ADAMTSL1: variants seen among roughly 807,000 people sequenced by gnomAD.
ADAMTSL1 encodes the protein ADAMTS like 1, also known as ADAMTS-like protein 1.
ADAMTSL1 carries 126 observed loss-of-function variants against 201.8 expected under a neutral mutation model. The observed-to-expected ratio is 0.62, with a 90% CI of 0.54 to 0.72. The LOEUF (loss-of-function observed/expected upper bound fraction) is 0.72. Ranked by LOEUF, ADAMTSL1 falls within the 30% of genes least tolerant of loss-of-function variation. The pLI, the probability that ADAMTSL1 is intolerant of heterozygous loss-of-function variation, is 0.00. For synonymous variants in ADAMTSL1, 1,121 were observed against 903.4 expected (o/e 1.24, Z -4.32); for missense variants, 2,679 against 2,277.8 (o/e 1.18, Z -3.59).
At chr9:18,557,787 T>C (rs1304054364) in intron 3 of ADAMTSL1, among the ~76,000 whole-genome samples, 1 of 152,074 alleles carries the variant, frequency 6.6e-6, no homozygotes, top group Non-Finnish European at 1.5e-5. Context: ...ACATGTTCCA[T>C]GAAGCAACTG....
intron 2 of ADAMTSL1, among the ~76,000 whole-genome samples, chr9:18,446,300 A>G (rs1361332636): frequency 6.6e-6 from 1 of 152,150 alleles, no homozygotes; most frequent in East Asian, 1.9e-4. Context: ...TGCCTGGGGG[A>G]AAAAAATGTT....
At chr9:18,745,450 C>G (rs937327756) in intron 15 of ADAMTSL1, among the ~76,000 whole-genome samples, 1 of 152,234 alleles carries the variant, frequency 6.6e-6, no homozygotes, top group Non-Finnish European at 1.5e-5. Context: ...TTGAGCACTT[C>G]TCAATTTTCT....
At chr9:18,312,925 A>G (rs79057722) in intron 2 of ADAMTSL1, among the ~76,000 whole-genome samples, 2,719 of 152,290 alleles carry the variant, frequency 0.018, 75 homozygotes, top group African/African-American at 0.06. Flanking sequence ...TCTTTAGAGT[A>G]CTAATAAGGG....
At chr9:18,290,103 G>T (rs1035302107) in intron 2 of ADAMTSL1, among the ~76,000 whole-genome samples, 3 of 152,066 alleles carry the variant, frequency 2.0e-5, no homozygotes, top group Admixed American at 2.0e-4. Flanking sequence ...TAATCATCAA[G>T]GGATATAAGA....
chr9:18,602,538 G>T (rs572167996), intron 4 of ADAMTSL1, among the ~76,000 whole-genome samples: 20 of 152,272 alleles, frequency 1.3e-4, no homozygotes, highest in African/African-American at 3.4e-4. Flanking sequence ...ATTTTGGGGG[G>T]ACTTGGCAGC....
At chr9:18,683,731 T>G (rs1830660525) in intron 12 of ADAMTSL1, among the ~76,000 whole-genome samples, 1 of 152,236 alleles carries the variant, frequency 6.6e-6, no homozygotes, top group Non-Finnish European at 1.5e-5. Flanking sequence ...CAATTGTTTA[T>G]TAGCTTTATC....
intron 1 of ADAMTSL1, among the ~76,000 whole-genome samples, chr9:18,029,506 A>G (rs975428104): frequency 2.0e-5 from 3 of 152,202 alleles, no homozygotes; most frequent in African/African-American, 7.2e-5. Flanking sequence ...TCATGTCTAA[A>G]ACACCAAAAG....
At chr9:18,056,302 C>G (rs1402045650) in intron 1 of ADAMTSL1, among the ~76,000 whole-genome samples, 1 of 152,128 alleles carries the variant, frequency 6.6e-6, no homozygotes, top group Non-Finnish European at 1.5e-5. Context: ...GTGAAGAAAT[C>G]TGAGTTTCTT....
intron 2 of ADAMTSL1, among the ~76,000 whole-genome samples, chr9:18,296,261 T>A (rs1433254310): frequency 6.6e-6 from 1 of 152,160 alleles, no homozygotes; most frequent in Non-Finnish European, 1.5e-5. Flanking sequence ...AAAGAGAGTA[T>A]AAAACATAAC....
At chr9:18,641,089 G>T (rs1381852375) in intron 7 of ADAMTSL1, among the ~76,000 whole-genome samples, 4 of 151,924 alleles carry the variant, frequency 2.6e-5, no homozygotes, top group Non-Finnish European at 4.4e-5. Flanking sequence ...TGCCGGGCAG[G>T]TCCCCCAGCA....
At chr9:18,760,986 A>T (rs534815378) in intron 16 of ADAMTSL1, among the ~76,000 whole-genome samples, 1 of 152,342 alleles carries the variant, frequency 6.6e-6, no homozygotes, top group East Asian at 1.9e-4. Flanking sequence ...GACTGCAAAT[A>T]TCTGAGGCTT....
chr9:18,864,765 G>C (rs964638498), intron 23 of ADAMTSL1, among the ~76,000 whole-genome samples: 1 of 152,262 alleles, frequency 6.6e-6, no homozygotes, highest in Non-Finnish European at 1.5e-5. Context: ...AAGTCAATGG[G>C]AAAAAGCAAG....
At chr9:18,670,645 G>A (rs1022935878) in intron 9 of ADAMTSL1, among the ~76,000 whole-genome samples, 1 of 152,204 alleles carries the variant, frequency 6.6e-6, no homozygotes, top group Non-Finnish European at 1.5e-5. Context: ...AATTTTGGAT[G>A]TGGTTGCATT....
At chr9:17,914,217 A>G (rs1355636941) in intron 1 of ADAMTSL1, among the ~76,000 whole-genome samples, 1 of 152,172 alleles carries the variant, frequency 6.6e-6, no homozygotes. Flanking sequence ...AGACACAACC[A>G]AAAAAGAGAA....
intron 2 of ADAMTSL1, among the ~76,000 whole-genome samples, chr9:18,466,752 T>C (rs963979365): frequency 6.6e-6 from 1 of 152,150 alleles, no homozygotes; most frequent in African/African-American, 2.4e-5. Flanking sequence ...ATAATTATGA[T>C]ATGAGATAAT....
chr9:18,092,161 T>G (rs1044158984), intron 1 of ADAMTSL1, among the ~76,000 whole-genome samples: 6 of 151,944 alleles, frequency 3.9e-5, no homozygotes, highest in Non-Finnish European at 7.4e-5. Flanking sequence ...CTGGGGAAAA[T>G]GAAATGAATA....
chr9:18,857,559 A>G (rs1023182414), intron 23 of ADAMTSL1, among the ~76,000 whole-genome samples: 1 of 152,174 alleles, frequency 6.6e-6, no homozygotes, highest in African/African-American at 2.4e-5. Context: ...ATCACACCCA[A>G]TCACATGATT....
Position 18,622,365 on chromosome 9 carries a change from C to T in ADAMTSL1, c.597C>T (p.Thr199=). 6.2e-7 allele frequency: 1 copy of T among 1,614,034 alleles called. No individual in the cohort carries two copies. Among genetic ancestry groups the T allele is most frequent in the Non-Finnish European group, 8.5e-7 (1 of 1,179,946 alleles). ...AGTATAAATCCCAGCTCTCCGCAAC[C>T]AAATGTAAGACACACAGAGATGGGC... ...RGQYKSQLSA[T]KSDDTVVAIP... is the part of the protein sequence containing the mutation. The change falls in exon 5 of 29, where the codon ACC becomes ACT. Residue 199 remains threonine, a synonymous_variant. Coordinates refer to ENST00000380548, the MANE Select transcript of ADAMTSL1 (RefSeq NM_001040272.6).
intron 2 of ADAMTSL1, among the ~76,000 whole-genome samples, chr9:18,313,607 T>A (rs926598392): frequency 1.3e-5 from 2 of 152,090 alleles, no homozygotes; most frequent in African/African-American, 2.4e-5. Context: ...AAATCAGATA[T>A]CTACATGCAA....
Sources: allele counts gnomAD v4.1 joint callset (sites outside exome capture counted in the v4.1 genomes callset), GRCh38; gene constraint gnomAD v4.1.1; transcripts MANE v1.5; gene names NCBI Gene and HGNC (gene_info 2026-07-23, HGNC 2026-07-21).